The following ADGRG6 variants were observed in gnomAD, a reference collection of about 807,000 sequenced individuals.
ADGRG6 encodes the protein G-protein coupled receptor 126.
A neutral mutation model predicts 142.4 loss-of-function variants in ADGRG6; 84 were observed. That is an observed-to-expected ratio of 0.59 (90% CI 0.49 to 0.71). The LOEUF is 0.71. ADGRG6 is among the 30% of genes least tolerant of loss of function. The probability of loss-of-function intolerance (pLI) is 0.00; values close to 1 mark genes in which losing one functional copy is unlikely to be tolerated. For missense variants in ADGRG6, 1,367 were observed against 1,466.6 expected (o/e 0.93, Z 1.11); for synonymous variants, 521 against 520.5 (o/e 1.00, Z -0.01).
chr6:142,441,902 T>C (rs371862877), intron 24 of ADGRG6, among the ~76,000 whole-genome samples: 101 of 152,326 alleles, frequency 6.6e-4, no homozygotes, highest in Non-Finnish European at 1.0e-3. Context: ...TGTTCCACCA[T>C]GCTTCAGTTT....
chr6:142,316,831 C>A (rs1778100631), intron 2 of ADGRG6, among the ~76,000 whole-genome samples: 1 of 151,778 alleles, frequency 6.6e-6, no homozygotes. Flanking sequence ...AAATGAGCTC[C>A]AAGTATACAC....
At position 142,419,884 on chromosome 6, in the gene ADGRG6, T is replaced by C. The variant is rs748665588; in HGVS notation, c.3099T>C (p.Phe1033=). 3.1e-6 allele frequency: 5 copies of C among 1,612,972 alleles called. No homozygotes were observed. Among genetic ancestry groups the C allele is most frequent in the Non-Finnish European group, 4.2e-6 (5 of 1,179,214 alleles). Residue 1033 remains phenylalanine (F), a synonymous_variant, in exon 22 of 25, where the codon TTT becomes TTC. Coordinates refer to ENST00000367609, the MANE Select transcript of ADGRG6 (RefSeq NM_198569.3). ...GTGCTGGGTATTTTGGAGTCATGTT[T>C]TTTCTGAACATTGCCATGTTCATTG... is the stretch of plus-strand genomic sequence containing the variant. ...VTCAGYFGVM[F]FLNIAMFIVV...
intron 24 of ADGRG6, 52 bp from the exon 25 acceptor site, chr6:142,443,285 A>C: frequency 8.3e-7 from 1 of 1,204,732 alleles, no homozygotes; most frequent in Non-Finnish European, 1.2e-6. Context: ...GGTGGCCTGT[A>C]GGCATGCCAC....
intron 2 of ADGRG6, among the ~76,000 whole-genome samples, chr6:142,346,061 G>A (rs921170025): frequency 2.0e-5 from 3 of 152,108 alleles, no homozygotes; most frequent in African/African-American, 7.2e-5. Flanking sequence ...TGTCTTTAGG[G>A]ATGGGTTAGG....
rs148347752 is a variant in ADGRG6 at position 142,388,271 on chromosome 6, A to G, written c.1223-1987A>G. On this transcript the variant is annotated intron_variant, in intron 6 of 24. Transcript: ENST00000367609. ...TAACAAGTGGACTGGGGCAGGAAAC[A>G]ATGTTTAAAGAAAACATCTTAAATA... 2.4e-3 allele frequency among the ~76,000 whole-genome samples: 359 copies of G among 152,306 alleles called. 2 individuals carry two copies. The highest frequency in any genetic ancestry group is 4.3e-3 in the Non-Finnish European group (289 of 67,984).
chr6:142,370,552 A>G lies in ADGRG6; in HGVS notation c.828A>G (p.Pro276=), dbSNP rs774124469. The change falls in exon 4 of 25, where the codon CCA becomes CCG. Residue 276 remains proline (P), a synonymous_variant. Coordinates refer to ENST00000367609, the MANE Select transcript of ADGRG6 (RefSeq NM_198569.3). ...VNFKRNYETV[P]CDSTISKVIP... ...TCAAAAGAAACTATGAAACAGTTCCATGTGATTCTACCATTAGTAAAGTTA... is the reference window on the plus strand; with the variant it reads ...TCAAAAGAAACTATGAAACAGTTCCGTGTGATTCTACCATTAGTAAAGTTA... 3.1e-6 allele frequency: 5 copies of G among 1,613,244 alleles called. No homozygotes were observed. The Admixed American group carries it at 8.3e-5, about 27-fold the overall frequency.
chr6:142,411,624 T>C (rs1776093873), intron 18 of ADGRG6, among the ~76,000 whole-genome samples: 1 of 152,078 alleles, frequency 6.6e-6, no homozygotes, highest in Admixed American at 6.6e-5. Context: ...ACTTTCTCCC[T>C]TTTTTTCCTG....
chr6:142,415,346 A>G (rs1378792477), intron 19 of ADGRG6, among the ~76,000 whole-genome samples: 1 of 152,210 alleles, frequency 6.6e-6, no homozygotes, highest in African/African-American at 2.4e-5. Context: ...AGTAAAAATT[A>G]TATAAGGTGC....
rs754289557 is a variant in ADGRG6, at chr6:142,403,979, G to T, written c.2127+6G>T. 1.3e-6 allele frequency: 2 copies of T among 1,592,002 alleles called. No individual in the cohort carries two copies. Among genetic ancestry groups the T allele is most frequent in the South Asian group, 2.2e-5 (2 of 89,558 alleles). On this transcript the variant is annotated splice_donor_region_variant and intron_variant, in intron 14 of 24. Transcript: ENST00000367609. ...ATAATGAATCGTATTTCCAGGTAAT[G>T]AGCCAGTGGTTTCTTTCATTTTAAT...
intron 2 of ADGRG6, among the ~76,000 whole-genome samples, chr6:142,317,758 T>TATATATATTAATATATATTTATATA (rs1778166674): frequency 1.0e-5 from 1 of 100,192 alleles, no homozygotes; most frequent in African/African-American, 4.2e-5. Context: ...ATATTTATAT[T>TATATATATTAATATATATTTATATA]ATATATATTT....
chr6:142,367,493 G>C, intron 2 of ADGRG6, 76 bp from the exon 3 acceptor site: 1 of 915,482 alleles, frequency 1.1e-6, no homozygotes, highest in African/African-American at 1.7e-5. Flanking sequence ...ATTGTCGCCA[G>C]TGTGTGGTAT....
chr6:142,374,756 A>G (rs1327715176), intron 4 of ADGRG6, among the ~76,000 whole-genome samples: 1 of 152,176 alleles, frequency 6.6e-6, no homozygotes, highest in East Asian at 1.9e-4. Context: ...GTCTGGGAAT[A>G]CTCATTTAAA....
intron 22 of ADGRG6, among the ~76,000 whole-genome samples, chr6:142,424,097 A>ACAAT (rs1260781561): frequency 9.5e-6 from 1 of 104,818 alleles, no homozygotes; most frequent in African/African-American, 3.5e-5. Context: ...TTCTAGATAT[A>ACAAT]CAATCATGTC....
At chr6:142,382,768 C>G (rs1394358434) in intron 5 of ADGRG6, among the ~76,000 whole-genome samples, 1 of 152,050 alleles carries the variant, frequency 6.6e-6, no homozygotes, top group African/African-American at 2.4e-5. Context: ...CACAGCCATG[C>G]CTTTTGTAAA....
At position 142,315,820 on chromosome 6, in the gene ADGRG6, C is replaced by CAAATAAAT. The variant is rs10609669; in HGVS notation, c.103+6220_103+6227dup. Among the ~76,000 whole-genome samples the CAAATAAAT allele has an allele frequency of 9.3e-4, 129 of 139,132 alleles. 2 individuals are homozygous for CAAATAAAT. The highest frequency in any genetic ancestry group is 2.6e-3 in the Admixed American group (36 of 13,628). The allele number at this position is 139,132 out of a possible 152,430, so 91.3% of individuals were successfully genotyped here. On this transcript the variant is annotated intron_variant, in intron 2 of 24. Coordinates refer to ENST00000367609, the MANE Select transcript of ADGRG6 (RefSeq NM_198569.3). ...CACTCTAGCCTGGGCAACTACATCT[C>CAAATAAAT]AAATAAATAAATAAATAAATAAATA... is the stretch of plus-strand genomic sequence containing the variant.
intron 11 of ADGRG6, 84 bp downstream of exon 11, chr6:142,400,680 G>T: frequency 1.4e-6 from 1 of 712,790 alleles, no homozygotes. Flanking sequence ...TAGTTCTTAG[G>T]CATTATATTG....
intron 2 of ADGRG6, among the ~76,000 whole-genome samples, chr6:142,332,970 C>T (rs554370382): frequency 2.0e-5 from 3 of 152,208 alleles, no homozygotes; most frequent in South Asian, 4.2e-4. Flanking sequence ...ATATACTGAG[C>T]GTAAAAATAG....
In ADGRG6 at chr6:142,367,652, A is replaced by C; in HGVS notation, c.187A>C (p.Asn63His). The C allele has an allele frequency of 6.2e-7, 1 of 1,613,766 alleles. No individual in the cohort carries two copies. The highest frequency in any genetic ancestry group is 8.5e-7 in the Non-Finnish European group (1 of 1,179,830). Residue 63 changes from asparagine (N) to histidine (H), a missense_variant, in exon 3 of 25, where the codon AAC becomes CAC. Coordinates refer to ENST00000367609, the MANE Select transcript of ADGRG6 (RefSeq NM_198569.3). Reference protein sequence around the residue: ...TSPCYPNDYPNSQACMWTLRA... With the variant: ...TSPCYPNDYPHSQACMWTLRA... ...TCCATGCTACCCTAACGACTACCCA[A>C]ACAGCCAGGCTTGCATGTGGACGCT... is the stretch of plus-strand genomic sequence containing the variant.
At chr6:142,373,057 G>A (rs538722499) in intron 4 of ADGRG6, among the ~76,000 whole-genome samples, 4 of 152,180 alleles carry the variant, frequency 2.6e-5, no homozygotes, top group Non-Finnish European at 5.9e-5. Flanking sequence ...TAGATCCCAT[G>A]TTACGGGTTC....
Sources: allele counts gnomAD v4.1 joint callset (sites outside exome capture counted in the v4.1 genomes callset), GRCh38; gene constraint gnomAD v4.1.1; transcripts MANE v1.5; gene names NCBI Gene and HGNC (gene_info 2026-07-23, HGNC 2026-07-21).